Variants in DMD observed in about 807,000 individuals in gnomAD.
DMD encodes mutant dystrophin.
In DMD, 63 loss-of-function variants were observed where a neutral mutation model predicts 330.1. The ratio of observed to expected loss-of-function variants is 0.19; its 90% CI spans 0.16 to 0.24. The LOEUF (loss-of-function observed/expected upper bound fraction) is 0.24. Among genes scored for constraint, DMD ranks in the 10% least tolerant of loss-of-function variants. The probability of loss-of-function intolerance (pLI) is 1.00; values close to 1 mark genes in which losing one functional copy is unlikely to be tolerated. For missense variants in DMD, 3,344 were observed against 2,684.1 expected (o/e 1.25, Z -5.43); for synonymous variants, 1,223 against 959.8 (o/e 1.27, Z -5.07).
chrX:32,611,006 G>C (rs753614036), intron 12 of DMD, among the ~76,000 whole-genome samples: 1 of 111,085 alleles, frequency 9.0e-6, no homozygotes, highest in Admixed American at 9.6e-5. Flanking sequence ...ACAAAACAGT[G>C]TTCCTTTAAT....
intron 2 of DMD, among the ~76,000 whole-genome samples, chrX:32,867,070 C>T (rs2082573309): frequency 9.0e-6 from 1 of 110,824 alleles, no homozygotes; most frequent in East Asian, 2.9e-4. Context: ...TTTCGTAAGA[C>T]TTAGTGTTTA....
intron 7 of DMD, among the ~76,000 whole-genome samples, chrX:32,716,051 T>C (rs1274587511): frequency 3.6e-5 from 4 of 111,828 alleles, no homozygotes; most frequent in African/African-American, 6.5e-5. Context: ...TTCCAATATA[T>C]ATTTCATGTA....
chrX:32,849,675 G>T, intron 3 of DMD, 53 bp downstream of exon 3: 2 of 917,230 alleles, frequency 2.2e-6, no homozygotes, highest in Non-Finnish European at 1.6e-6. Context: ...TCAGTTTCTG[G>T]TCTGAAATTC....
At chrX:31,833,308 G>GT (rs2093105217) in intron 49 of DMD, among the ~76,000 whole-genome samples, 1 of 62,668 alleles carries the variant, frequency 1.6e-5, no homozygotes, top group African/African-American at 9.6e-5. Flanking sequence ...GAGGGAGAGA[G>GT]GGAGAGAGGG....
In DMD at chrX:31,166,913, C is replaced by T. The variant is rs137900499; in HGVS notation, c.10553+2530G>A. ...ACCCCAGAGTCCTCATTTTGGAGCT[C>T]TAAGTAGGCCTGGTGTTATGTTTTT... On this transcript the variant is annotated intron_variant, in intron 74 of 78. Transcript: ENST00000357033. Among the ~76,000 whole-genome samples the T allele has an allele frequency of 1.5e-3, 165 of 111,740 alleles. 1 individual carries two copies. The East Asian group carries it at 0.031, about 21-fold the overall frequency.
intron 55 of DMD, among the ~76,000 whole-genome samples, chrX:31,583,796 T>C (rs1012069017): frequency 1.8e-5 from 2 of 108,956 alleles, no homozygotes; most frequent in African/African-American, 6.7e-5. Context: ...TTAGGGTCCA[T>C]ATGCACAACG....
intron 48 of DMD, among the ~76,000 whole-genome samples, chrX:31,855,683 A>C (rs1027140398): frequency 3.6e-5 from 4 of 110,722 alleles, no homozygotes; most frequent in Admixed American, 9.9e-5. Flanking sequence ...CATAACTAAT[A>C]AACTCAAGCA....
In DMD at chrX:32,632,104, G is replaced by C. The variant is rs757496168; in HGVS notation, c.1331+12028C>G. On this transcript the variant is annotated intron_variant, in intron 11 of 78. Coordinates refer to ENST00000357033, the MANE Select transcript of DMD (RefSeq NM_004006.3). ...CTTCCAAGATACAATGGGATTATAA[G>C]CATTGAGTCAACACTCCTATTCCAA... Among the ~76,000 whole-genome samples the C allele has an allele frequency of 2.7e-5, 3 of 112,282 alleles. No homozygotes were observed. The South Asian group carries it at 1.1e-3, about 42-fold the overall frequency.
At chrX:32,897,463 T>TAG (rs1490557551) in intron 2 of DMD, among the ~76,000 whole-genome samples, 3 of 111,463 alleles carry the variant, frequency 2.7e-5, no homozygotes, top group Non-Finnish European at 5.7e-5. Context: ...AAAAACCTCA[T>TAG]AGTTTTAGGT....
intron 43 of DMD, among the ~76,000 whole-genome samples, chrX:32,270,111 A>G (rs778878573): frequency 8.9e-6 from 1 of 112,256 alleles, no homozygotes; most frequent in African/African-American, 3.2e-5. Flanking sequence ...AGCTTATGGT[A>G]GTTTTGAGCA....
intron 44 of DMD, among the ~76,000 whole-genome samples, chrX:32,190,550 T>A (rs867689675): frequency 3.2e-5 from 2 of 62,518 alleles, no homozygotes; most frequent in East Asian, 5.2e-4. Context: ...ATTTAAAATT[T>A]TATATATATA....
chrX:32,354,769 C>A (rs1007727283), intron 37 of DMD, among the ~76,000 whole-genome samples: 1 of 111,014 alleles, frequency 9.0e-6, no homozygotes, highest in African/African-American at 3.3e-5. Context: ...GGATATTACC[C>A]AGTAGATTTC....
chrX:32,800,407 CATT>C (rs750247068), intron 7 of DMD, among the ~76,000 whole-genome samples: 612 of 111,322 alleles, frequency 5.5e-3, no homozygotes, highest in African/African-American at 0.019. Flanking sequence ...TTTGAATCAT[CATT>C]GAGATTATCT....
At chrX:31,495,502 C>T (rs1478430754) in intron 57 of DMD, among the ~76,000 whole-genome samples, 1 of 111,316 alleles carries the variant, frequency 9.0e-6, no homozygotes, top group Non-Finnish European at 1.9e-5. Flanking sequence ...CTTTTTCACT[C>T]AGAGCTTAGT....
At chrX:32,432,936 A>C (rs961712273) in intron 29 of DMD, among the ~76,000 whole-genome samples, 12 of 112,129 alleles carry the variant, frequency 1.1e-4, no homozygotes, top group African/African-American at 3.9e-4. Context: ...TAACCAATTT[A>C]GATTTTGTCC....
Position 32,121,620 on chromosome X carries a change from CATATATATATATATATATAT to C in DMD, c.6438+95276_6438+95295del, listed in dbSNP as rs10535803. ...AAATAAGGTTTTCAAAATATGTGTG[CATATATATATATATATATAT>C]ATATATATATATATATATATATATG... On this transcript the variant is annotated intron_variant, in intron 44 of 78. Coordinates refer to ENST00000357033, the MANE Select transcript of DMD (RefSeq NM_004006.3). Among the ~76,000 whole-genome samples, 333 of 36,439 alleles carry C rather than the reference CATATATATATATATATATAT, an allele frequency of 9.1e-3. 17 individuals carry two copies. Among genetic ancestry groups the C allele is most frequent in the Middle Eastern group, 0.051 (2 of 39 alleles). 31.6% of individuals were successfully genotyped at this position (36,439 alleles called of 115,157 possible).
intron 55 of DMD, among the ~76,000 whole-genome samples, chrX:31,615,109 C>A (rs1200058174): frequency 9.0e-6 from 1 of 111,296 alleles, no homozygotes; most frequent in East Asian, 2.8e-4. Flanking sequence ...CTCCCAAAGA[C>A]CAATAACCCT....
chrX:32,566,613 A>G (rs1314274871), intron 15 of DMD, among the ~76,000 whole-genome samples: 1 of 112,452 alleles, frequency 8.9e-6, no homozygotes, highest in Non-Finnish European at 1.9e-5. Flanking sequence ...ATAAATACTT[A>G]TGTGTCTTAT....
intron 2 of DMD, among the ~76,000 whole-genome samples, chrX:32,997,247 C>A (rs2093145854): frequency 9.4e-6 from 1 of 105,984 alleles, no homozygotes; most frequent in African/African-American, 3.4e-5. Context: ...AGCCTCCCGC[C>A]ATTTTTTTTT....
Sources: gnomAD v4.1 joint callset for allele counts (sites outside exome capture counted in the v4.1 genomes callset) on GRCh38, gnomAD v4.1.1 for gene constraint, MANE v1.5 for transcripts, NCBI Gene and HGNC (gene_info 2026-07-23, HGNC 2026-07-21) for gene names.